Variants in MAP4K3 observed in about 807,000 individuals in gnomAD.
The protein encoded by MAP4K3 is MAPK/ERK kinase kinase kinase 3.
MAP4K3 carries 94 observed loss-of-function variants against 143.5 expected under a neutral mutation model. The observed-to-expected ratio is 0.65, with a 90% CI of 0.55 to 0.78. The LOEUF (loss-of-function observed/expected upper bound fraction) is 0.78. MAP4K3 is among the 30% of genes least tolerant of loss of function. The pLI is 0.00. For synonymous variants in MAP4K3, 416 were observed against 347.2 expected (o/e 1.20, Z -2.20); for missense variants, 1,077 against 1,068.1 (o/e 1.01, Z -0.12).
chr2:39,345,921 CAAAAAAAAAA>C lies in MAP4K3; in HGVS notation c.246-2479_246-2470del, dbSNP rs66729858. ...TGAGTGACAGAGCTAGACTCTGTCT[CAAAAAAAAAA>C]AAAAAAAAAAAAAAAAAGAGTGAAG... On this transcript the variant is annotated intron_variant, in intron 3 of 33. Transcript: ENST00000263881. Among the ~76,000 whole-genome samples, 83 of 15,852 alleles carry C rather than the reference CAAAAAAAAAA, an allele frequency of 5.2e-3. No homozygotes were observed. In the South Asian group the frequency reaches 0.14, roughly 27 times the overall value. The allele number at this position is 15,852 out of a possible 152,430, so 10.4% of individuals were successfully genotyped here. A position where few individuals can be genotyped will look rare whatever the true frequency, so the allele number is the denominator to read the frequency against.
At chr2:39,380,177 ATATC>A (rs1666322861) in intron 1 of MAP4K3, among the ~76,000 whole-genome samples, 1 of 152,170 alleles carries the variant, frequency 6.6e-6, no homozygotes, top group African/African-American at 2.4e-5. Context: ...GATGTTAGAA[ATATC>A]TTCCAATATG....
At chr2:39,293,354 C>T (rs1682134440) in intron 16 of MAP4K3, 86 bp from the exon 17 acceptor site, 1 of 909,160 alleles carries the variant, frequency 1.1e-6, no homozygotes. Context: ...TAACCTTAAC[C>T]ATACATTTTT....
chr2:39,396,224 A>G (rs1666801118), intron 1 of MAP4K3, among the ~76,000 whole-genome samples: 2 of 150,798 alleles, frequency 1.3e-5, no homozygotes, highest in Non-Finnish European at 2.9e-5. Flanking sequence ...TTTTTAATGT[A>G]GAAATGGGGT....
chr2:39,310,468 T>G lies in MAP4K3; in HGVS notation c.998-949A>C, dbSNP rs116459739. Among the ~76,000 whole-genome samples the G allele has an allele frequency of 1.9e-3, 296 of 152,320 alleles. 4 individuals are homozygous for G. The highest frequency in any genetic ancestry group is 6.9e-3 in the African/African-American group (288 of 41,570). On this transcript the variant is annotated intron_variant, in intron 13 of 33. Transcript: ENST00000263881. ...ATAATATTCTGTTGTGTATATATAC[T>G]ACATTTCTTTTATTTATTCACCCAT...
chr2:39,293,176 C>A lies in MAP4K3; in HGVS notation c.1217+54G>T, dbSNP rs373999456. The stretch of plus-strand genomic sequence containing the variant: ...GCTACATAACAGAGAAGAAGGCAAA[C>A]TGACTTTACTTGTCTGTGACATAAA... On this transcript the variant is annotated intron_variant, in intron 17 of 33. Transcript: ENST00000263881. 65 of 1,271,094 alleles carry A rather than the reference C, an allele frequency of 5.1e-5. No homozygotes were observed. The African/African-American group carries it at 9.7e-4, about 19-fold the overall frequency. 78.7% of individuals were successfully genotyped at this position (1,271,094 alleles called of 1,614,324 possible). A position where few individuals can be genotyped will look rare whatever the true frequency, so the allele number is the denominator to read the frequency against.
At chr2:39,382,008 C>T (rs533572881) in intron 1 of MAP4K3, among the ~76,000 whole-genome samples, 7 of 152,326 alleles carry the variant, frequency 4.6e-5, no homozygotes, top group African/African-American at 1.7e-4. Context: ...GAGGAAAATC[C>T]TGCAGGTCTA....
At chr2:39,366,123 G>A (rs952880055) in intron 2 of MAP4K3, among the ~76,000 whole-genome samples, 8 of 152,156 alleles carry the variant, frequency 5.3e-5, no homozygotes, top group African/African-American at 1.7e-4. Context: ...CCATGAAAGA[G>A]TCCTCAGGAG....
intron 24 of MAP4K3, among the ~76,000 whole-genome samples, chr2:39,274,411 G>A (rs995971800): frequency 1.3e-4 from 20 of 151,840 alleles, no homozygotes; most frequent in East Asian, 1.9e-4. Context: ...TAGTAGAGAC[G>A]GGGTTTCACC....
At chr2:39,270,433 C>A (rs1418987490) in intron 26 of MAP4K3, among the ~76,000 whole-genome samples, 1 of 152,136 alleles carries the variant, frequency 6.6e-6, no homozygotes, top group Non-Finnish European at 1.5e-5. Context: ...TTAGAGTACA[C>A]TACAAGGCAG....
intron 7 of MAP4K3, among the ~76,000 whole-genome samples, chr2:39,332,289 AAACT>A (rs1370850944): frequency 7.9e-5 from 12 of 152,090 alleles, no homozygotes; most frequent in Non-Finnish European, 1.8e-4. Context: ...GTAAATTGCC[AAACT>A]TATTAATATT....
intron 1 of MAP4K3, among the ~76,000 whole-genome samples, chr2:39,391,526 G>A (rs1035387069): frequency 6.6e-6 from 1 of 151,938 alleles, no homozygotes; most frequent in Non-Finnish European, 1.5e-5. Flanking sequence ...TTTGACTAAG[G>A]ACCCCTAAAA....
At chr2:39,335,673 C>G (rs1664927727) in intron 6 of MAP4K3, among the ~76,000 whole-genome samples, 1 of 152,164 alleles carries the variant, frequency 6.6e-6, no homozygotes, top group South Asian at 2.1e-4. Flanking sequence ...ATCTACATGC[C>G]AATGACACAG....
At chr2:39,270,979 T>A (rs1335607965) in intron 26 of MAP4K3, among the ~76,000 whole-genome samples, 4 of 151,738 alleles carry the variant, frequency 2.6e-5, no homozygotes, top group Admixed American at 2.0e-4. Flanking sequence ...AACTAAAGAT[T>A]GACTATAATA....
chr2:39,417,215 C>CT (rs1243263619), intron 1 of MAP4K3, among the ~76,000 whole-genome samples: 17,836 of 133,716 alleles, frequency 0.13, 1,642 homozygotes, highest in African/African-American at 0.25. Context: ...GGTTTCTTTT[C>CT]TTTTTTTTTT....
At chr2:39,431,700 A>C (rs1665295007) in intron 1 of MAP4K3, among the ~76,000 whole-genome samples, 1 of 152,250 alleles carries the variant, frequency 6.6e-6, no homozygotes, top group Non-Finnish European at 1.5e-5. Context: ...GTTGGTTAGA[A>C]GGACAGTAGG....
chr2:39,299,928 T>C (rs1166800999), intron 15 of MAP4K3, 127 bp from the exon 16 acceptor site: 3 of 380,756 alleles, frequency 7.9e-6, no homozygotes, highest in African/African-American at 2.1e-5. Flanking sequence ...TGTATTGCTA[T>C]ACATTCTTAA....
At position 39,427,444 on chromosome 2, in the gene MAP4K3, A is replaced by G. The variant is rs542830595; in HGVS notation, c.96+9448T>C. ...AAAGAAATTGAAAACTCCTACACGT[A>G]AATGTAAAGAAGCACTGTCTGTATA... is the stretch of plus-strand genomic sequence containing the variant. On this transcript the variant is annotated intron_variant, in intron 1 of 33. Coordinates refer to ENST00000263881, the MANE Select transcript of MAP4K3 (RefSeq NM_003618.4). Among the ~76,000 whole-genome samples the G allele has an allele frequency of 2.6e-5, 4 of 152,276 alleles. No homozygotes were observed. In the East Asian group the frequency reaches 7.7e-4, roughly 29 times the overall value.
chr2:39,418,994 A>C (rs1010694734), intron 1 of MAP4K3, among the ~76,000 whole-genome samples: 1 of 152,046 alleles, frequency 6.6e-6, no homozygotes, highest in African/African-American at 2.4e-5. Flanking sequence ...GTTGTGCCAA[A>C]TGTACCATGG....
At chr2:39,411,664 T>C (rs1293760657) in intron 1 of MAP4K3, among the ~76,000 whole-genome samples, 5 of 152,186 alleles carry the variant, frequency 3.3e-5, no homozygotes, top group Non-Finnish European at 7.3e-5. Context: ...TCCATTCAGT[T>C]CTAAGTGCAT....
Sources: allele counts gnomAD v4.1 joint callset (sites outside exome capture counted in the v4.1 genomes callset), GRCh38; gene constraint gnomAD v4.1.1; transcripts MANE v1.5; gene names NCBI Gene and HGNC (gene_info 2026-07-23, HGNC 2026-07-21).